NCAM2: variants seen among roughly 807,000 people sequenced by gnomAD.
The protein encoded by NCAM2 is N-CAM-2.
Under a neutral mutation model 98.1 loss-of-function variants are expected in NCAM2, and 30 were observed. The ratio of observed to expected loss-of-function variants is 0.31; its 90% CI spans 0.23 to 0.41. The LOEUF (loss-of-function observed/expected upper bound fraction) is 0.41. Ranked by LOEUF, NCAM2 falls within the 10% of genes least tolerant of loss-of-function variation. The pLI, the probability that NCAM2 is intolerant of heterozygous loss-of-function variation, is 1.00. For missense variants in NCAM2, 867 were observed against 1,005.8 expected, an observed-to-expected ratio of 0.86 and a Z score of 1.87; for synonymous variants, 368 against 342.4, an observed-to-expected ratio of 1.07 and a Z score of -0.83.
chr21:21,203,972 A>G (rs913497317), intron 1 of NCAM2, among the ~76,000 whole-genome samples: 4 of 152,100 alleles, frequency 2.6e-5, no homozygotes, highest in African/African-American at 9.7e-5. Flanking sequence ...GTTTCCTCTT[A>G]TTAATGAACA....
chr21:21,293,691 CTCTT>C (rs1198515967), intron 5 of NCAM2, among the ~76,000 whole-genome samples: 6 of 151,758 alleles, frequency 4.0e-5, no homozygotes, highest in African/African-American at 7.3e-5. Flanking sequence ...CAATATGTAA[CTCTT>C]TCTCTTTATT....
At chr21:21,469,909 T>G (rs564136805) in intron 14 of NCAM2, among the ~76,000 whole-genome samples, 4 of 152,004 alleles carry the variant, frequency 2.6e-5, no homozygotes, top group Admixed American at 6.6e-5. Flanking sequence ...AGAAGAGAGA[T>G]AATCTTTTCT....
chr21:21,526,462 T>C (rs939812388), intron 16 of NCAM2, among the ~76,000 whole-genome samples: 1 of 152,094 alleles, frequency 6.6e-6, no homozygotes, highest in Non-Finnish European at 1.5e-5. Flanking sequence ...ATGTAACTTA[T>C]GATAGAAAAT....
intron 15 of NCAM2, among the ~76,000 whole-genome samples, chr21:21,498,404 T>C (rs1329679068): frequency 6.6e-6 from 1 of 152,188 alleles, no homozygotes; most frequent in African/African-American, 2.4e-5. Flanking sequence ...ATTACTAGCA[T>C]TACATACTTT....
At chr21:21,450,793 TAC>T (rs71195329) in intron 12 of NCAM2, among the ~76,000 whole-genome samples, 9,433 of 143,284 alleles carry the variant, frequency 0.066, 306 homozygotes, top group East Asian at 0.08. Context: ...TATGTATGTA[TAC>T]ACACACACAC....
chr21:21,263,684 A>G (rs187168242), intron 1 of NCAM2, among the ~76,000 whole-genome samples: 70 of 152,296 alleles, frequency 4.6e-4, no homozygotes, highest in African/African-American at 1.7e-3. Context: ...AACAGAATAG[A>G]CAATGCAAAA....
chr21:21,449,567 T>A (rs1459599983), intron 12 of NCAM2, among the ~76,000 whole-genome samples: 1 of 152,006 alleles, frequency 6.6e-6, no homozygotes, highest in African/African-American at 2.4e-5. Context: ...CATTTAAATA[T>A]AATAACTATA....
chr21:21,353,336 A>G (rs545637380), intron 8 of NCAM2, among the ~76,000 whole-genome samples: 21 of 152,274 alleles, frequency 1.4e-4, no homozygotes, highest in African/African-American at 5.1e-4. Context: ...TACAAAGTTT[A>G]CTCTAAAATA....
intron 12 of NCAM2, among the ~76,000 whole-genome samples, chr21:21,461,463 A>G (rs550879429): frequency 6.6e-6 from 1 of 151,914 alleles, no homozygotes; most frequent in Non-Finnish European, 1.5e-5. Flanking sequence ...TACAATAAAT[A>G]TGTTGTAAAC....
intron 15 of NCAM2, among the ~76,000 whole-genome samples, chr21:21,500,929 G>A (rs1987589170): frequency 1.3e-5 from 2 of 151,988 alleles, no homozygotes; most frequent in South Asian, 4.1e-4. Context: ...TATACTGGAA[G>A]AACATTATGA....
At chr21:21,087,903 T>G (rs950272563) in intron 1 of NCAM2, among the ~76,000 whole-genome samples, 4 of 152,212 alleles carry the variant, frequency 2.6e-5, no homozygotes, top group Non-Finnish European at 5.9e-5. Flanking sequence ...GGAATCGATA[T>G]AAGAGTCATA....
At chr21:21,405,061 A>G (rs2076711798) in intron 9 of NCAM2, among the ~76,000 whole-genome samples, 1 of 152,002 alleles carries the variant, frequency 6.6e-6, no homozygotes, top group Non-Finnish European at 1.5e-5. Context: ...CATCAAAATT[A>G]GAATACACTA....
rs186443206 is a variant in NCAM2 at position 21,259,388 on chromosome 21, G to A, written c.56-21190G>A. On this transcript the variant is annotated intron_variant, in intron 1 of 17. Coordinates refer to ENST00000400546, the MANE Select transcript of NCAM2 (RefSeq NM_004540.5). Reference sequence around the variant, plus strand: ...GAAAGTCGTAAGTCCTGCAGTAGCAGCATGATAGGGAAGAGGATTTCTATC... The same window carrying A: ...GAAAGTCGTAAGTCCTGCAGTAGCAACATGATAGGGAAGAGGATTTCTATC... Among the ~76,000 whole-genome samples, 221 of 151,634 alleles carry A rather than the reference G, an allele frequency of 1.5e-3. 1 individual carries two copies. Among genetic ancestry groups the A allele is most frequent in the African/African-American group, 5.2e-3 (215 of 41,544 alleles).
intron 1 of NCAM2, among the ~76,000 whole-genome samples, chr21:21,250,185 A>G (rs1347789136): frequency 6.6e-6 from 1 of 152,224 alleles, no homozygotes; most frequent in Admixed American, 6.5e-5. Flanking sequence ...TGAGCAAGAC[A>G]AAGCTTATAA....
chr21:21,451,100 T>G (rs1980995194), intron 12 of NCAM2, among the ~76,000 whole-genome samples: 1 of 152,140 alleles, frequency 6.6e-6, no homozygotes, highest in South Asian at 2.1e-4. Flanking sequence ...GCTGCTCACT[T>G]GTTAAGCAGT....
At chr21:21,097,485 CTACA>C (rs2146473046) in intron 1 of NCAM2, among the ~76,000 whole-genome samples, 1 of 151,600 alleles carries the variant, frequency 6.6e-6, no homozygotes, top group Non-Finnish European at 1.5e-5. Flanking sequence ...AAATGTAAAA[CTACA>C]TATTTTTTTA....
chr21:21,287,710 A>G (rs2073149917), intron 4 of NCAM2, among the ~76,000 whole-genome samples: 1 of 151,958 alleles, frequency 6.6e-6, no homozygotes. Context: ...GCAAAGACTG[A>G]TGACAACGGG....
chr21:21,312,271 T>C (rs997964707), intron 5 of NCAM2, among the ~76,000 whole-genome samples: 1 of 151,868 alleles, frequency 6.6e-6, no homozygotes, highest in East Asian at 1.9e-4. Flanking sequence ...ACATGATTTT[T>C]TCTTTAAACT....
intron 1 of NCAM2, among the ~76,000 whole-genome samples, chr21:21,240,154 G>A (rs1015740683): frequency 1.3e-5 from 2 of 152,060 alleles, no homozygotes; most frequent in Admixed American, 6.6e-5. Context: ...AATGTTAAGA[G>A]CAAGATTTAA....
Sources: allele counts gnomAD v4.1 joint callset (sites outside exome capture counted in the v4.1 genomes callset), GRCh38; gene constraint gnomAD v4.1.1; transcripts MANE v1.5; gene names NCBI Gene and HGNC (gene_info 2026-07-23, HGNC 2026-07-21).